The following NOTCH1 variants were observed in gnomAD, a reference collection of about 807,000 sequenced individuals.
NOTCH1 encodes neurogenic locus notch homolog protein 1.
NOTCH1 carries 37 observed loss-of-function variants against 254.8 expected under a neutral mutation model. That is an observed-to-expected ratio of 0.15 (90% CI 0.11 to 0.19). The LOEUF (loss-of-function observed/expected upper bound fraction) is 0.19. Ranked by LOEUF, NOTCH1 falls within the 10% of genes least tolerant of loss-of-function variation. The probability of loss-of-function intolerance (pLI) is 1.00; values close to 1 mark genes in which losing one functional copy is unlikely to be tolerated. For missense variants in NOTCH1, 2,972 were observed against 3,708.6 expected (o/e 0.80, Z 5.16); for synonymous variants, 1,731 against 1,618.1 (o/e 1.07, Z -1.68).
rs1228105161 is a variant in NOTCH1 at position 136,507,238 on chromosome 9, G to A, written c.3643+67C>T. The A allele has an allele frequency of 3.1e-6, 5 of 1,610,272 alleles. No individual in the cohort carries two copies. The Admixed American group carries it at 5.0e-5, about 16-fold the overall frequency. Reference sequence around the variant, plus strand: ...CCTGGATGCCTCTGGCCGGTCCCGGGGTGCCTGCCCTGCCCCTGCCCTGGC... The same window carrying A: ...CCTGGATGCCTCTGGCCGGTCCCGGAGTGCCTGCCCTGCCCCTGCCCTGGC... On this transcript the variant is annotated intron_variant, in intron 22 of 33. Transcript: ENST00000651671.
chr9:136,534,444 C>T (rs1343009019), intron 2 of NOTCH1, among the ~76,000 whole-genome samples: 1 of 152,170 alleles, frequency 6.6e-6, no homozygotes, highest in Non-Finnish European at 1.5e-5. Context: ...GTGTCACCAA[C>T]CTCAGTGCCA....
Position 136,523,704 on chromosome 9 carries a change from G to A in NOTCH1, c.403+13C>T, listed in dbSNP as rs1209467540. ...GGGTCTGCCCACCCCTCAGGCTGTG[G>A]GTCCTCCCTCACCTGACCAGCCGGG... On this transcript the variant is annotated intron_variant, in intron 3 of 33. Coordinates refer to ENST00000651671, the MANE Select transcript of NOTCH1 (RefSeq NM_017617.5). The A allele has an allele frequency of 1.3e-6, 2 of 1,594,466 alleles. No homozygotes were observed. The highest frequency in any genetic ancestry group is 2.3e-5 in the East Asian group (1 of 44,130).
In NOTCH1 at chr9:136,540,860, G is replaced by A. The variant is rs1843722954; in HGVS notation, c.140+3164C>T. ...GCCGTCAGCAGCCAACATCTTAGCT[G>A]CCCCCTGCCTCAACGCCCAGCCCAG... On this transcript the variant is annotated intron_variant, in intron 2 of 33. Coordinates refer to ENST00000651671, the MANE Select transcript of NOTCH1 (RefSeq NM_017617.5). This position sits in a 1 kb window ranked among gnomAD's most constrained non-coding sequence, Gnocchi z 4.4. 6.6e-6 allele frequency among the ~76,000 whole-genome samples: 1 copy of A among 152,032 alleles called. No individual in the cohort carries two copies. The highest frequency in any genetic ancestry group is 2.4e-5 in the African/African-American group (1 of 41,370).
rs1416523627 is a variant in NOTCH1, at chr9:136,540,312, A to C, written c.140+3712T>G. ...AACGCAGCACACAGCAGGCGCTCAAACGTGTCTGTGAACTGGAGCCACCCT... is the reference window on the plus strand; with the variant it reads ...AACGCAGCACACAGCAGGCGCTCAACCGTGTCTGTGAACTGGAGCCACCCT... On this transcript the variant is annotated intron_variant, in intron 2 of 33. Transcript: ENST00000651671. This position sits in a 1 kb window ranked among gnomAD's most constrained non-coding sequence, Gnocchi z 4.4. Among the ~76,000 whole-genome samples, 2 of 151,908 alleles carry C rather than the reference A, an allele frequency of 1.3e-5. No individual in the cohort carries two copies. Among genetic ancestry groups the C allele is most frequent in the African/African-American group, 4.8e-5 (2 of 41,352 alleles).
chr9:136,536,187 C>G (rs1483487211), intron 2 of NOTCH1, among the ~76,000 whole-genome samples: 1 of 152,182 alleles, frequency 6.6e-6, no homozygotes, highest in Admixed American at 6.5e-5. Flanking sequence ...GATGCTAACA[C>G]GCACGCATCC....
chr9:136,530,299 G>A (rs1159838712), intron 2 of NOTCH1, among the ~76,000 whole-genome samples: 1 of 152,264 alleles, frequency 6.6e-6, no homozygotes, highest in African/African-American at 2.4e-5. Context: ...GTGCGAAGGA[G>A]GAAGTGCAGG....
chr9:136,520,835 C>A (rs1005423861), intron 4 of NOTCH1, among the ~76,000 whole-genome samples: 1 of 152,186 alleles, frequency 6.6e-6, no homozygotes, highest in African/African-American at 2.4e-5. Flanking sequence ...CCTGGCTGGG[C>A]CTGCGACCCC....
intron 26 of NOTCH1, 73 bp from the exon 27 acceptor site, chr9:136,503,403 C>T (rs972663235): frequency 6.9e-6 from 11 of 1,605,424 alleles, no homozygotes; most frequent in African/African-American, 6.7e-5. Flanking sequence ...GGGATGCTGC[C>T]GCAGGACACT....
At position 136,516,454 on chromosome 9, in the gene NOTCH1, G is replaced by A. The variant is rs556135942; in HGVS notation, c.1556-360C>T. Among the ~76,000 whole-genome samples, 12 of 152,264 alleles carry A rather than the reference G, an allele frequency of 7.9e-5. No homozygotes were observed. The South Asian group carries it at 1.0e-3, about 13-fold the overall frequency. On this transcript the variant is annotated intron_variant, in intron 9 of 33. Coordinates refer to ENST00000651671, the MANE Select transcript of NOTCH1 (RefSeq NM_017617.5). ...CTGGCAACGCCTCCCTGGGCTCTGC[G>A]CCCCGGCCCCCAGCTCTGGGACAGA... is the stretch of plus-strand genomic sequence containing the variant.
intron 30 of NOTCH1, 95 bp from the exon 31 acceptor site, chr9:136,500,942 G>A (rs981840989): frequency 8.0e-6 from 11 of 1,376,808 alleles, no homozygotes; most frequent in African/African-American, 1.4e-5. Flanking sequence ...AAGGGGCCAC[G>A]GTGTGGATGC....
intron 26 of NOTCH1, among the ~76,000 whole-genome samples, chr9:136,504,233 C>G (rs957067458): frequency 9.2e-5 from 14 of 152,358 alleles, no homozygotes; most frequent in Admixed American, 7.8e-4. Context: ...GACAAGGTCT[C>G]CCTATGTTGC....
Position 136,505,389 on chromosome 9 carries a change from C to T in NOTCH1, c.4507G>A (p.Gly1503Ser), listed in dbSNP as rs1243264280. The T allele has an allele frequency of 5.0e-6, 8 of 1,611,680 alleles. No individual in the cohort carries two copies. Among genetic ancestry groups the T allele is most frequent in the East Asian group, 4.5e-5 (2 of 44,848 alleles). Reference protein sequence around the residue: ...SLQCWKYFSDGHCDSQCNSAG... With the variant: ...SLQCWKYFSDSHCDSQCNSAG... Reference sequence around the variant, plus strand: ...GAGTTGCACTGGCTGTCACAGTGGCCGTCACTGAAGTACTTCCAGCACTGC... The same window carrying T: ...GAGTTGCACTGGCTGTCACAGTGGCTGTCACTGAAGTACTTCCAGCACTGC... The change falls in exon 25 of 34, where the codon GGC becomes AGC. Residue 1503 changes from glycine (G) to serine (S), a missense_variant. Around this residue, in one of 8 missense-constraint regions of NOTCH1, gnomAD observed 1,343 missense variants for 1,557.0 expected, o/e 0.86. Transcript: ENST00000651671.
intron 9 of NOTCH1, 123 bp downstream of exon 9, chr9:136,517,149 C>G (rs547472260): frequency 5.0e-4 from 311 of 625,538 alleles, no homozygotes; most frequent in Middle Eastern, 2.2e-3. Flanking sequence ...GGGGGCGGCC[C>G]TCACCCCTCA....
At chr9:136,536,843 T>C (rs1425286424) in intron 2 of NOTCH1, among the ~76,000 whole-genome samples, 1 of 152,244 alleles carries the variant, frequency 6.6e-6, no homozygotes, top group Non-Finnish European at 1.5e-5. Context: ...TGCCCACCCA[T>C]ACCCCAGGGT....
rs2133325421 is a variant in NOTCH1, at chr9:136,500,560, C to T, written c.5926G>A (p.Val1976Ile). The change falls in exon 31 of 34, where the codon GTC becomes ATC. Residue 1976 changes from valine (V) to isoleucine (I), a missense_variant. By Grantham distance (29) the Val-to-Ile change is conservative. This residue lies in a region of NOTCH1 where 421 missense variants were observed against 604.4 expected (regional missense o/e 0.70). Transcript: ENST00000651671. ...HAAVSADAQGVFQILIRNRAT... is the reference protein window; with the variant it reads ...HAAVSADAQGIFQILIRNRAT... ...AGGCAGCCACTGCCTACCTGGAAGA[C>T]ACCTTGTGCGTCGGCAGACACAGCC... 1 of 1,611,064 alleles carries T rather than the reference C, an allele frequency of 6.2e-7. No individual in the cohort carries two copies. The highest frequency in any genetic ancestry group is 8.5e-7 in the Non-Finnish European group (1 of 1,179,886).
In NOTCH1 at chr9:136,496,968, C is replaced by A; in HGVS notation, c.6771G>T (p.Ala2257=). Residue 2257 remains alanine (A), a synonymous_variant, in exon 34 of 34, where the codon GCG becomes GCT. Transcript: ENST00000651671. ...LNVAAKPEMA[A]LGGGGRLAFE... ...AGGCCAGCCGGCCGCCCCCACCCAG[C>A]GCCGCCATCTCGGGCTTGGCCGCCA... is the stretch of plus-strand genomic sequence containing the variant. 10 of 1,610,728 alleles carry A rather than the reference C, an allele frequency of 6.2e-6. No homozygotes were observed. The highest frequency in any genetic ancestry group is 8.5e-6 in the Non-Finnish European group (10 of 1,179,224).
chr9:136,503,888 G>A (rs12552161), intron 26 of NOTCH1, among the ~76,000 whole-genome samples: 132 of 152,372 alleles, frequency 8.7e-4, no homozygotes, highest in South Asian at 2.5e-3. Context: ...TCAGGCACAC[G>A]AAGGGCACAA....
At chr9:136,539,380 GT>G (rs1006643368) in intron 2 of NOTCH1, among the ~76,000 whole-genome samples, 2 of 151,796 alleles carry the variant, frequency 1.3e-5, no homozygotes, top group African/African-American at 4.8e-5. Context: ...ACTGTGTGGG[GT>G]TTTTTTTGTT....
At chr9:136,503,046 A>C in intron 27 of NOTCH1, 136 bp downstream of exon 27, 2 of 1,318,014 alleles carry the variant, frequency 1.5e-6, no homozygotes, top group African/African-American at 2.9e-5. Context: ...AAATTCCAGA[A>C]AAGCCCTACC....
Sources: allele counts gnomAD v4.1 joint callset (sites outside exome capture counted in the v4.1 genomes callset), GRCh38; gene constraint gnomAD v4.1.1; regional missense constraint gnomAD v4.1.1; non-coding constraint Gnocchi (gnomAD v3.1); transcripts MANE v1.5; gene names NCBI Gene and HGNC (gene_info 2026-07-23, HGNC 2026-07-21).